UGT1A10: variants seen among roughly 807,000 people sequenced by gnomAD.
UGT1A10 encodes the protein UDP-glucuronosyltransferase 1A10.
In UGT1A10, 49 loss-of-function variants were observed where a neutral mutation model predicts 45.8. That is an observed-to-expected ratio of 1.07 (90% CI 0.85 to 1.36). The LOEUF (loss-of-function observed/expected upper bound fraction) is 1.36. Ranked by LOEUF, UGT1A10 falls within the 40% of genes most tolerant of loss-of-function variation. The pLI is 0.00. For synonymous variants in UGT1A10, 284 were observed against 249.7 expected, an observed-to-expected ratio of 1.14 and a Z score of -1.29; for missense variants, 745 against 668.6, an observed-to-expected ratio of 1.11 and a Z score of -1.26.
intron 1 of UGT1A10, among the ~76,000 whole-genome samples, chr2:233,640,830 T>C (rs760029190): frequency 3.3e-5 from 5 of 152,056 alleles, no homozygotes; most frequent in Non-Finnish European, 7.4e-5. Context: ...ATGCCAAAGA[T>C]TTGTCATTGT....
rs760213579 is a variant in UGT1A10 at position 233,672,429 on chromosome 2, C to T, written c.855+35052C>T. ...TTGCCAAATATTTCTCCCTCCCCTC[C>T]GTGGTCTTCGCCAGGGGAATACTTT... On this transcript the variant is annotated intron_variant, in intron 1 of 4. Transcript: ENST00000344644. 7.9e-5 allele frequency: 128 copies of T among 1,613,840 alleles called. 1 individual carries two copies. The highest frequency in any genetic ancestry group is 5.2e-4 in the South Asian group (47 of 91,066).
chr2:233,739,515 T>C (rs1354597011), intron 1 of UGT1A10, among the ~76,000 whole-genome samples: 1 of 152,234 alleles, frequency 6.6e-6, no homozygotes, highest in Non-Finnish European at 1.5e-5. Context: ...ATGTGAGACA[T>C]GAAGTCAAGG....
intron 1 of UGT1A10, among the ~76,000 whole-genome samples, chr2:233,706,484 G>A (rs1195112005): frequency 1.3e-5 from 2 of 152,226 alleles, no homozygotes; most frequent in Non-Finnish European, 2.9e-5. Flanking sequence ...GGGTACATGA[G>A]GGTGTCCAGG....
intron 1 of UGT1A10, among the ~76,000 whole-genome samples, chr2:233,642,825 C>G (rs2125465451): frequency 6.6e-6 from 1 of 152,304 alleles, no homozygotes; most frequent in African/African-American, 2.4e-5. Flanking sequence ...TGGATTCCAG[C>G]ACATACTCTT....
intron 1 of UGT1A10, chr2:233,648,382 C>T: frequency 3.1e-6 from 1 of 326,844 alleles, no homozygotes; most frequent in Non-Finnish European, 5.9e-6. Flanking sequence ...TGCACAGTGC[C>T]CTGCTTCTCT....
intron 1 of UGT1A10, among the ~76,000 whole-genome samples, chr2:233,670,154 A>C (rs2074153259): frequency 6.6e-6 from 1 of 152,250 alleles, no homozygotes; most frequent in African/African-American, 2.4e-5. Context: ...GTTATTAAGA[A>C]AATCTTAAGG....
intron 1 of UGT1A10, among the ~76,000 whole-genome samples, chr2:233,728,046 T>C (rs537522155): frequency 1.8e-4 from 28 of 152,360 alleles, no homozygotes; most frequent in Admixed American, 3.9e-4. Flanking sequence ...ATAAGCCTCA[T>C]TGGGCTTGAG....
rs565921734 is a variant in UGT1A10 at position 233,700,988 on chromosome 2, C to T, written c.855+63611C>T. ...TGCGGTGTTTGATTTTTTGTCCTTG[C>T]GATAGTTTGCTGAGAATGATGGTTT... On this transcript the variant is annotated intron_variant, in intron 1 of 4. Transcript: ENST00000344644. Among the ~76,000 whole-genome samples, 641 of 151,872 alleles carry T rather than the reference C, an allele frequency of 4.2e-3. 4 individuals carry two copies. The highest frequency in any genetic ancestry group is 7.5e-3 in the Non-Finnish European group (513 of 67,974).
chr2:233,654,393 G>C (rs2073808741), intron 1 of UGT1A10, among the ~76,000 whole-genome samples: 1 of 152,128 alleles, frequency 6.6e-6, no homozygotes, highest in Non-Finnish European at 1.5e-5. Flanking sequence ...AAACCCTATA[G>C]CATCTTGTTT....
chr2:233,745,687 G>A (rs1693175005), intron 1 of UGT1A10, among the ~76,000 whole-genome samples: 1 of 150,802 alleles, frequency 6.6e-6, no homozygotes, highest in Non-Finnish European at 1.5e-5. Context: ...ATCAAAGCAA[G>A]TTTGGAGAAC....
chr2:233,707,461 T>G (rs1015244462), intron 1 of UGT1A10, among the ~76,000 whole-genome samples: 1 of 152,148 alleles, frequency 6.6e-6, no homozygotes, highest in African/African-American at 2.4e-5. Flanking sequence ...TAAATTTGCA[T>G]CTGTAAATAA....
chr2:233,650,527 G>GT (rs2073713269), intron 1 of UGT1A10, among the ~76,000 whole-genome samples: 1 of 152,184 alleles, frequency 6.6e-6, no homozygotes, highest in South Asian at 2.1e-4. Context: ...TGGTCTGCTG[G>GT]TGTAGGCTTT....
chr2:233,705,135 TG>T (rs2075825979), intron 1 of UGT1A10, among the ~76,000 whole-genome samples: 2 of 98,450 alleles, frequency 2.0e-5, no homozygotes, highest in African/African-American at 1.2e-4. Context: ...AGACTTCGTC[TG>T]AAAAAAAAAA....
At chr2:233,678,290 T>C (rs900031853) in intron 1 of UGT1A10, among the ~76,000 whole-genome samples, 2 of 152,184 alleles carry the variant, frequency 1.3e-5, no homozygotes, top group African/African-American at 4.8e-5. Flanking sequence ...CCTGCACATG[T>C]ACTCCTGAAT....
intron 1 of UGT1A10, among the ~76,000 whole-genome samples, chr2:233,710,360 T>C (rs1335672685): frequency 6.6e-6 from 1 of 152,254 alleles, no homozygotes; most frequent in Non-Finnish European, 1.5e-5. Flanking sequence ...AAAGCAGTTA[T>C]ACAATTTTAC....
At chr2:233,732,782 G>A (rs1439304470) in intron 1 of UGT1A10, among the ~76,000 whole-genome samples, 1 of 126,430 alleles carries the variant, frequency 7.9e-6, no homozygotes, top group East Asian at 2.4e-4. Context: ...GCTTAGGATT[G>A]TCTTGGCAAT....
At position 233,743,406 on chromosome 2, in the gene UGT1A10, C is replaced by T. The variant is rs904424565; in HGVS notation, c.856-23628C>T. 16 of 1,310,784 alleles carry T rather than the reference C, an allele frequency of 1.2e-5. No individual in the cohort carries two copies. In the Admixed American group the frequency reaches 2.0e-4, roughly 16 times the overall value. The allele number at this position is 1,310,784 out of a possible 1,614,324, so 81.2% of individuals were successfully genotyped here. A position where few individuals can be genotyped will look rare whatever the true frequency, so the allele number is the denominator to read the frequency against. On this transcript the variant is annotated intron_variant, in intron 1 of 4. Transcript: ENST00000344644. ...AGGACATGCAGAAGGAAGAAAGGCC[C>T]CCACTTCCCAGGGAGCCAAAGGAAC...
intron 1 of UGT1A10, chr2:233,648,894 A>G: frequency 2.3e-6 from 3 of 1,321,248 alleles, no homozygotes; most frequent in Non-Finnish European, 2.1e-6. Flanking sequence ...CTGTCATGGC[A>G]TATGATCTCT....
chr2:233,713,067 G>A (rs750927090), intron 1 of UGT1A10: 1 of 1,614,158 alleles, frequency 6.2e-7, no homozygotes, highest in Non-Finnish European at 8.5e-7. Flanking sequence ...CCAGCCCTGG[G>A]CTGAGAGTGG....
Sources: allele counts gnomAD v4.1 joint callset (sites outside exome capture counted in the v4.1 genomes callset), GRCh38; gene constraint gnomAD v4.1.1; transcripts MANE v1.5; gene names NCBI Gene and HGNC (gene_info 2026-07-23, HGNC 2026-07-21).